Variants in ERICH1 observed in about 807,000 individuals in gnomAD.
ERICH1 encodes glutamate rich 1.
Under a neutral mutation model 39.6 loss-of-function variants are expected in ERICH1, and 56 were observed. The observed-to-expected ratio is 1.41, with a 90% CI of 1.14 to 1.77. The LOEUF (loss-of-function observed/expected upper bound fraction) is 1.77, where lower values mean the gene tolerates loss of function less well. Ranked by LOEUF, ERICH1 falls within the 40% of genes most tolerant of loss-of-function variation. ERICH1 has a pLI of 0.00. For missense variants in ERICH1, 826 were observed against 575.4 expected, an observed-to-expected ratio of 1.44 and a Z score of -4.45; for synonymous variants, 313 against 223.6, an observed-to-expected ratio of 1.40 and a Z score of -3.57.
intron 3 of ERICH1, chr8:625,843 A>C (rs1454736719): frequency 6.6e-6 from 1 of 152,222 alleles, no homozygotes; most frequent in Non-Finnish European, 1.5e-5. Flanking sequence ...TTTGTTACGC[A>C]ACACAGTTTT....
Position 654,493 on chromosome 8 carries a change from A to G in ERICH1, c.976+14105T>C, listed in dbSNP as rs183921706. Reference sequence around the variant, plus strand: ...ACAGGGGTCTCGGCATTTTGTGAGAATTCAAGGAGCTGTGACATTATGTTT... The same window carrying G: ...ACAGGGGTCTCGGCATTTTGTGAGAGTTCAAGGAGCTGTGACATTATGTTT... On this transcript the variant is annotated intron_variant, in intron 3 of 3. Coordinates refer to the ERICH1 transcript ENST00000522706. Among the ~76,000 whole-genome samples, 738 of 152,252 alleles carry G rather than the reference A, an allele frequency of 4.8e-3. 10 individuals carry two copies. The highest frequency in any genetic ancestry group is 0.016 in the African/African-American group (685 of 41,542).
At chr8:674,296 CTTTTTTTTTTTT>C (rs11372589) in intron 3 of ERICH1, among the ~76,000 whole-genome samples, 1 of 109,806 alleles carries the variant, frequency 9.1e-6, no homozygotes, top group African/African-American at 3.5e-5. Context: ...CAAGTTGTTG[CTTTTTTTTTTTT>C]TTTTTTTTTC....
chr8:641,746 G>A (rs1005330179), intron 3 of ERICH1, among the ~76,000 whole-genome samples: 1 of 152,118 alleles, frequency 6.6e-6, no homozygotes, highest in African/African-American at 2.4e-5. Flanking sequence ...TTCCTCTCCT[G>A]TCTGCGTTTT....
chr8:722,733 T>C (rs1328861057), intron 1 of ERICH1, among the ~76,000 whole-genome samples: 1 of 152,240 alleles, frequency 6.6e-6, no homozygotes, highest in African/African-American at 2.4e-5. Flanking sequence ...AACTGGTGTC[T>C]GTTGGAAAAG....
chr8:639,964 AAAG>A (rs1283653174), intron 3 of ERICH1, among the ~76,000 whole-genome samples: 1 of 152,220 alleles, frequency 6.6e-6, no homozygotes. Context: ...CTCAAGAGAC[AAAG>A]AAGAATAATG....
chr8:692,489 T>C lies in ERICH1; in HGVS notation c.293A>G (p.Asp98Gly), dbSNP rs528267461. The change falls in exon 3 of 6, where the codon GAT (aspartate) becomes GGT (glycine). Residue 98 changes from aspartate (D) to glycine (G), a missense_variant. By Grantham distance (94) the Asp-to-Gly change is moderately conservative (BLOSUM62 -1). Coordinates refer to ENST00000262109, the MANE Select transcript of ERICH1 (RefSeq NM_207332.3). Reference sequence around the variant, plus strand: ...ACCCAGCATTTTACCTTCTGTGTCATCCCCGCTGGAGGCGTTCTCGGGGCT... The same window carrying C: ...ACCCAGCATTTTACCTTCTGTGTCACCCCCGCTGGAGGCGTTCTCGGGGCT... Reference protein sequence around the residue: ...CGSPENASSGDDTEDQDPHDQ... With the variant: ...CGSPENASSGGDTEDQDPHDQ... The C allele has an allele frequency of 1.9e-6, 3 of 1,614,122 alleles. No homozygotes were observed. Among genetic ancestry groups the C allele is most frequent in the Middle Eastern group, 1.6e-4 (1 of 6,062 alleles).
At chr8:684,649 C>T (rs1806888577) in intron 3 of ERICH1, among the ~76,000 whole-genome samples, 1 of 152,146 alleles carries the variant, frequency 6.6e-6, no homozygotes. Context: ...GGGGAACCAG[C>T]CCCCAATATT....
At chr8:635,382 C>T (rs991894753) in intron 3 of ERICH1, among the ~76,000 whole-genome samples, 5 of 152,192 alleles carry the variant, frequency 3.3e-5, no homozygotes, top group Non-Finnish European at 5.9e-5. Context: ...CCTGAGCTTC[C>T]CTCCAAAGTC....
chr8:673,807 T>C lies in ERICH1; in HGVS notation c.545A>G (p.Lys182Arg). 1 of 1,614,192 alleles carries C rather than the reference T, an allele frequency of 6.2e-7. No homozygotes were observed. Among genetic ancestry groups the C allele is most frequent in the Non-Finnish European group, 8.5e-7 (1 of 1,180,042 alleles). The change falls in exon 4 of 6, where the codon AAG (lysine) becomes AGG (arginine). Residue 182 changes from lysine (K) to arginine (R), a missense_variant. Physicochemically the swap from Lys to Arg is conservative, Grantham distance 26. Transcript: ENST00000262109. Reference protein sequence around the residue: ...KRKKAAGLAAKAAGVSFMYQP... With the variant: ...KRKKAAGLAARAAGVSFMYQP... ...GTACATGAAACTGACACCAGCAGCCTTTGCTGCCAAGCCGGCTGCTTTCTT... is the reference window on the plus strand; with the variant it reads ...GTACATGAAACTGACACCAGCAGCCCTTGCTGCCAAGCCGGCTGCTTTCTT...
chr8:620,677 C>G (rs761938085), intron 3 of ERICH1, among the ~76,000 whole-genome samples: 2 of 152,140 alleles, frequency 1.3e-5, no homozygotes, highest in Non-Finnish European at 2.9e-5. Flanking sequence ...AAAAAACAGA[C>G]TTTAAAACAG....
intron 3 of ERICH1, among the ~76,000 whole-genome samples, chr8:654,543 A>G (rs1266380138): frequency 1.3e-5 from 2 of 152,226 alleles, no homozygotes; most frequent in East Asian, 1.9e-4. Context: ...TATGTATGCC[A>G]TACATCAAAA....
intron 3 of ERICH1, among the ~76,000 whole-genome samples, chr8:642,735 C>T (rs951036067): frequency 6.6e-5 from 10 of 152,110 alleles, no homozygotes; most frequent in African/African-American, 1.9e-4. Flanking sequence ...TCTTGTGAGG[C>T]GCTGGCCCTC....
chr8:661,413 C>T (rs1165840491), downstream of ERICH1, among the ~76,000 whole-genome samples: 1 of 152,072 alleles, frequency 6.6e-6, no homozygotes, highest in African/African-American at 2.4e-5. Flanking sequence ...AGGCGGAGGT[C>T]CCAGGGTGCA....
At chr8:717,867 G>C (rs1231158303) in intron 1 of ERICH1, among the ~76,000 whole-genome samples, 1 of 152,234 alleles carries the variant, frequency 6.6e-6, no homozygotes, top group Non-Finnish European at 1.5e-5. Context: ...GCAGGCACAA[G>C]ACAGTCCCAG....
At chr8:722,227 CG>C (rs202224965) in intron 1 of ERICH1, among the ~76,000 whole-genome samples, 2,295 of 148,150 alleles carry the variant, frequency 0.015, 26 homozygotes, top group Middle Eastern at 0.038. Context: ...TAATGCCAAT[CG>C]AAAAAAAAAA....
Position 635,940 on chromosome 8 carries a change from C to A in ERICH1, c.977-20656G>T, listed in dbSNP as rs1278700626. Among the ~76,000 whole-genome samples the A allele has an allele frequency of 2.0e-5, 3 of 152,216 alleles. No homozygotes were observed. The East Asian group carries it at 5.8e-4, about 29-fold the overall frequency. On this transcript the variant is annotated intron_variant, in intron 3 of 3. Coordinates refer to the ERICH1 transcript ENST00000522706. ...CTCTTACGCGGCAGGTGCGGTGATT[C>A]CTCATCCTGCGAGCCGTTCAACCAG...
At chr8:728,769 A>C (rs1335949112) in intron 1 of ERICH1, among the ~76,000 whole-genome samples, 1 of 152,174 alleles carries the variant, frequency 6.6e-6, no homozygotes, top group African/African-American at 2.4e-5. Flanking sequence ...CACTAGCATA[A>C]CATAGAGCAC....
At chr8:718,805 G>C (rs1308637871) in intron 1 of ERICH1, among the ~76,000 whole-genome samples, 2 of 152,230 alleles carry the variant, frequency 1.3e-5, no homozygotes, top group East Asian at 3.9e-4. Flanking sequence ...TCAGCCTCTA[G>C]GATTTCTGCA....
In ERICH1 at chr8:679,138, G is replaced by T. The variant is rs548974123; in HGVS notation, c.305-5091C>A. Among the ~76,000 whole-genome samples the T allele has an allele frequency of 4.2e-5, 5 of 118,772 alleles. No individual in the cohort carries two copies. The Admixed American group carries it at 4.3e-4, about 10-fold the overall frequency. 77.9% of individuals were successfully genotyped at this position (118,772 alleles called of 152,430 possible). A position where few individuals can be genotyped will look rare whatever the true frequency, so the allele number is the denominator to read the frequency against. ...CTCCCACCTCTCACAGCTCTCACCC[G>T]TCAAAGCTCCGGCCCCTCACAGCTC... is the stretch of plus-strand genomic sequence containing the variant. On this transcript the variant is annotated intron_variant, in intron 3 of 5. Transcript: ENST00000262109.
Sources: allele counts gnomAD v4.1 joint callset (sites outside exome capture counted in the v4.1 genomes callset), GRCh38; gene constraint gnomAD v4.1.1; transcripts MANE v1.5; gene names NCBI Gene and HGNC (gene_info 2026-07-23, HGNC 2026-07-21).